Variants in SNX24 observed in about 807,000 individuals in gnomAD.
SNX24 encodes the protein sorting nexin 24.
SNX24 carries 22 observed loss-of-function variants against 28.7 expected under a neutral mutation model. The ratio of observed to expected loss-of-function variants is 0.77; its 90% CI spans 0.55 to 1.10. The LOEUF (loss-of-function observed/expected upper bound fraction) is 1.10. Ranked by LOEUF, SNX24 falls within the 50% of genes least tolerant of loss-of-function variation. SNX24 has a pLI of 0.00. For synonymous variants in SNX24, 69 were observed against 71.5 expected, an observed-to-expected ratio of 0.96 and a Z score of 0.18; for missense variants, 221 against 201.1, an observed-to-expected ratio of 1.10 and a Z score of -0.60.
chr5:122,890,919 A>T, intron 1 of SNX24: 1 of 1,128,452 alleles, frequency 8.9e-7, no homozygotes. Flanking sequence ...GTTAATTAAA[A>T]TTTTTATCCC....
At chr5:122,941,269 A>G (rs1407153147) in intron 2 of SNX24, among the ~76,000 whole-genome samples, 1 of 152,198 alleles carries the variant, frequency 6.6e-6, no homozygotes, top group East Asian at 1.9e-4. Context: ...TCTGGGGATT[A>G]GGACTTGGGC....
chr5:122,965,705 G>A (rs1760687748), intron 3 of SNX24, among the ~76,000 whole-genome samples: 2 of 152,160 alleles, frequency 1.3e-5, no homozygotes, highest in Admixed American at 1.3e-4. Flanking sequence ...GTTGTCATTT[G>A]TTTTGTCTGG....
chr5:122,895,902 A>G (rs1757181639), intron 1 of SNX24, among the ~76,000 whole-genome samples: 1 of 152,244 alleles, frequency 6.6e-6, no homozygotes, highest in African/African-American at 2.4e-5. Flanking sequence ...TAATCCCAGC[A>G]CTTTGGACAG....
chr5:122,939,137 G>A lies in SNX24; in HGVS notation c.144+2320G>A, dbSNP rs79182751. Among the ~76,000 whole-genome samples, 239 of 152,218 alleles carry A rather than the reference G, an allele frequency of 1.6e-3. 2 individuals carry two copies. Among genetic ancestry groups the A allele is most frequent in the African/African-American group, 5.2e-3 (216 of 41,526 alleles). On this transcript the variant is annotated intron_variant, in intron 2 of 6. Coordinates refer to ENST00000261369, the MANE Select transcript of SNX24 (RefSeq NM_014035.4). ...ACATCAACAACCTTACCCTTTTATTGCAGTTTTGGTACCCTCGATTTCCAT... is the reference window on the plus strand; with the variant it reads ...ACATCAACAACCTTACCCTTTTATTACAGTTTTGGTACCCTCGATTTCCAT...
rs146740306 is a variant in SNX24, at chr5:122,966,083, G to GT, written c.249+19931dup. On this transcript the variant is annotated intron_variant, in intron 3 of 6. Coordinates refer to ENST00000261369, the MANE Select transcript of SNX24 (RefSeq NM_014035.4). ...CCTATGATTTTTAGTGCCAAAAACT[G>GT]TTTTTTTCCAAAATCTACAGTTATA... 7.2e-3 allele frequency among the ~76,000 whole-genome samples: 1,097 copies of GT among 152,126 alleles called. 12 individuals are homozygous for GT. Among genetic ancestry groups the GT allele is most frequent in the African/African-American group, 0.024 (1,010 of 41,488 alleles).
intron 1 of SNX24, among the ~76,000 whole-genome samples, chr5:122,860,486 C>G (rs1226270062): frequency 6.6e-6 from 1 of 152,198 alleles, no homozygotes; most frequent in African/African-American, 2.4e-5. Flanking sequence ...AAGTCTTACT[C>G]TATCTTTTAT....
intron 3 of SNX24, among the ~76,000 whole-genome samples, chr5:122,976,293 TA>T (rs5871019): frequency 0.7 from 94,802 of 134,666 alleles, 33,614 homozygotes; most frequent in Non-Finnish European, 0.79. Context: ...ACTCAGTCAT[TA>T]AAAAAAAAAA....
In SNX24 at chr5:123,008,359, C is replaced by T; in HGVS notation, c.*610C>T. 1.1e-6 allele frequency: 1 copy of T among 935,472 alleles called. No homozygotes were observed. The allele number at this position is 935,472 out of a possible 1,614,324, so 57.9% of individuals were successfully genotyped here. On this transcript the variant is annotated 3_prime_UTR_variant, in exon 7 of 7. Transcript: ENST00000261369. ...CATTAGAGTGGAGTTGCATCATACT[C>T]AGGGGTTAGCTTCCAAGGTCAGTAC... is the stretch of plus-strand genomic sequence containing the variant.
chr5:122,965,463 A>C, intron 3 of SNX24: 1 of 455,682 alleles, frequency 2.2e-6, no homozygotes, highest in Non-Finnish European at 4.4e-6. Context: ...GTGCTTAATC[A>C]AGAAAAATAA....
At chr5:122,868,410 A>G (rs1371719004) in intron 1 of SNX24, among the ~76,000 whole-genome samples, 1 of 152,202 alleles carries the variant, frequency 6.6e-6, no homozygotes, top group East Asian at 1.9e-4. Context: ...ACCCAGTAGC[A>G]GGGTAAGCGC....
At chr5:122,846,732 C>T (rs1205492026) in intron 1 of SNX24, among the ~76,000 whole-genome samples, 1 of 152,104 alleles carries the variant, frequency 6.6e-6, no homozygotes, top group Non-Finnish European at 1.5e-5. Flanking sequence ...AAAAAATAGT[C>T]CAGGAAGTCG....
chr5:122,993,456 G>A (rs1053701039), intron 3 of SNX24, among the ~76,000 whole-genome samples: 2 of 151,868 alleles, frequency 1.3e-5, no homozygotes, highest in African/African-American at 4.8e-5. Context: ...CTGCCACCAC[G>A]CCTGGCTAAT....
intron 5 of SNX24, among the ~76,000 whole-genome samples, chr5:123,021,048 C>A (rs1397046926): frequency 6.6e-6 from 1 of 152,152 alleles, no homozygotes; most frequent in African/African-American, 2.4e-5. Context: ...CCTGAGCCCA[C>A]CCAGCCTGCC....
At chr5:122,883,715 T>G (rs1756575836) in intron 1 of SNX24, among the ~76,000 whole-genome samples, 1 of 152,128 alleles carries the variant, frequency 6.6e-6, no homozygotes. Context: ...TGGCACAAAA[T>G]TATAGCTCAC....
chr5:122,974,394 C>G (rs988799582), intron 3 of SNX24, among the ~76,000 whole-genome samples: 1 of 152,174 alleles, frequency 6.6e-6, no homozygotes, highest in African/African-American at 2.4e-5. Flanking sequence ...TCTCTGTGAA[C>G]AAGATTATGA....
chr5:122,897,109 A>G (rs1250705754), intron 1 of SNX24, among the ~76,000 whole-genome samples: 3 of 152,216 alleles, frequency 2.0e-5, no homozygotes, highest in Admixed American at 1.3e-4. Flanking sequence ...GGAGACATAT[A>G]AACGTATCTA....
chr5:123,029,305 C>A, exon 6 of SNX24: 1 of 1,614,036 alleles, frequency 6.2e-7, no homozygotes, highest in Non-Finnish European at 8.5e-7. Flanking sequence ...TGAGACATAC[C>A]TCTCCTGTTG....
intron 3 of SNX24, among the ~76,000 whole-genome samples, chr5:122,985,253 A>C (rs1761552603): frequency 6.6e-6 from 1 of 152,098 alleles, no homozygotes; most frequent in Admixed American, 6.5e-5. Flanking sequence ...AGCTTGAGAG[A>C]GGCACTGTGG....
intron 3 of SNX24, among the ~76,000 whole-genome samples, chr5:122,987,260 C>T (rs183046405): frequency 6.6e-6 from 1 of 152,048 alleles, no homozygotes; most frequent in African/African-American, 2.4e-5. Flanking sequence ...AGTGTGGTTC[C>T]TGGATCAGTA....
Sources: allele counts gnomAD v4.1 joint callset (sites outside exome capture counted in the v4.1 genomes callset), GRCh38; gene constraint gnomAD v4.1.1; transcripts MANE v1.5; gene names NCBI Gene and HGNC (gene_info 2026-07-23, HGNC 2026-07-21).